The following SCN11A variants were observed in gnomAD, a reference collection of about 807,000 sequenced individuals.
SCN11A encodes sodium channel protein type 11 subunit alpha.
A neutral mutation model predicts 162.2 loss-of-function variants in SCN11A; 122 were observed. The observed-to-expected ratio is 0.75, with a 90% CI of 0.65 to 0.87. The LOEUF is 0.87. Among genes scored for constraint, SCN11A ranks in the 40% least tolerant of loss-of-function variants. SCN11A has a pLI of 0.00. For synonymous variants in SCN11A, 758 were observed against 751.5 expected, an observed-to-expected ratio of 1.01 and a Z score of -0.14; for missense variants, 2,015 against 2,181.6, an observed-to-expected ratio of 0.92 and a Z score of 1.52.
Position 38,862,949 on chromosome 3 carries a change from C to T in SCN11A, c.4056+246G>A, listed in dbSNP as rs957906817. Among the ~76,000 whole-genome samples the T allele has an allele frequency of 2.8e-4, 43 of 152,180 alleles. No individual in the cohort carries two copies. The East Asian group carries it at 8.1e-3, about 29-fold the overall frequency. ...AAACAAACCACTAAGTTCACATGGT[C>T]GCAATAAGTATTTACTTAAGCACAT... On this transcript the variant is annotated intron_variant, in intron 28 of 29. Transcript: ENST00000302328.
At chr3:39,001,864 C>A (rs2030824554) in intron 2 of SCN11A, among the ~76,000 whole-genome samples, 1 of 152,072 alleles carries the variant, frequency 6.6e-6, no homozygotes, top group Admixed American at 6.6e-5. Flanking sequence ...GAAACCCCGT[C>A]TCTACTAAAA....
At chr3:38,870,557 T>C in intron 26 of SCN11A, 134 bp downstream of exon 26, 1 of 669,600 alleles carries the variant, frequency 1.5e-6, no homozygotes, top group African/African-American at 1.8e-5. Context: ...TATCTCATAG[T>C]GTTTTGTTCC....
At chr3:38,974,890 T>C (rs1161953236) in intron 2 of SCN11A, among the ~76,000 whole-genome samples, 1 of 151,030 alleles carries the variant, frequency 6.6e-6, no homozygotes. Flanking sequence ...CAAAGTGAAA[T>C]AATTTTTAAA....
At chr3:38,889,141 G>A (rs2065451532) in intron 19 of SCN11A, among the ~76,000 whole-genome samples, 2 of 152,032 alleles carry the variant, frequency 1.3e-5, no homozygotes, top group South Asian at 4.1e-4. Flanking sequence ...ATTACCTATT[G>A]CAGGCCAGGC....
intron 4 of SCN11A, among the ~76,000 whole-genome samples, chr3:38,951,095 C>T (rs1237131686): frequency 6.6e-6 from 1 of 152,242 alleles, no homozygotes; most frequent in Non-Finnish European, 1.5e-5. Context: ...GTGGAAGCCC[C>T]TTTCTGGGCT....
chr3:38,896,770 T>C (rs768196906), intron 18 of SCN11A, 75 bp downstream of exon 18: 77 of 1,198,608 alleles, frequency 6.4e-5, no homozygotes, highest in Non-Finnish European at 8.4e-5. Context: ...TAGTAAAGTT[T>C]TGCAAATGAA....
intron 2 of SCN11A, among the ~76,000 whole-genome samples, chr3:38,967,403 C>T (rs149622844): frequency 4.2e-4 from 64 of 152,308 alleles, no homozygotes; most frequent in African/African-American, 1.3e-3. Context: ...ATGAGCCCTA[C>T]GGAGATTCCA....
At chr3:38,944,241 G>A (rs1233452083) in intron 7 of SCN11A, among the ~76,000 whole-genome samples, 2 of 152,290 alleles carry the variant, frequency 1.3e-5, no homozygotes, top group Non-Finnish European at 2.9e-5. Flanking sequence ...CACTGCTGAT[G>A]GCAGAGCAAA....
intron 2 of SCN11A, among the ~76,000 whole-genome samples, chr3:38,978,637 C>A (rs1393766753): frequency 8.4e-6 from 1 of 119,646 alleles, no homozygotes; most frequent in Non-Finnish European, 1.6e-5. Flanking sequence ...CAGAGTGAGA[C>A]CCTGTCTCAA....
chr3:38,936,456 T>C (rs1177759685), intron 7 of SCN11A, among the ~76,000 whole-genome samples: 1 of 151,132 alleles, frequency 6.6e-6, no homozygotes, highest in Non-Finnish European at 1.5e-5. Flanking sequence ...GACATGATTG[T>C]ATATCTAGAA....
chr3:38,869,839 T>A (rs896793704), intron 26 of SCN11A, among the ~76,000 whole-genome samples: 2 of 152,204 alleles, frequency 1.3e-5, no homozygotes, highest in African/African-American at 2.4e-5. Flanking sequence ...TGCTCAACTG[T>A]AAGTATTATG....
rs192481962 is a variant in SCN11A at position 38,860,478 on chromosome 3, T to C, written c.4056+2717A>G. The stretch of plus-strand genomic sequence containing the variant: ...GACCAATATTCCTGATGACTATAGG[T>C]GCAAAAATACTCAAAAAATACTAGC... On this transcript the variant is annotated intron_variant, in intron 28 of 29. Coordinates refer to ENST00000302328, the MANE Select transcript of SCN11A (RefSeq NM_001349253.2). Among the ~76,000 whole-genome samples the C allele has an allele frequency of 1.2e-4, 18 of 152,138 alleles. No individual in the cohort carries two copies. In the East Asian group the frequency reaches 3.3e-3, roughly 28 times the overall value.
chr3:38,950,273 C>T lies in SCN11A; in HGVS notation c.90G>A (p.Arg30=). ...TCTTTTTCTCCTTTTGGATGGCAAT[C>T]CGCTTCTCAATTGCAGCCAGAGAGT... is the stretch of plus-strand genomic sequence containing the variant. The part of the protein sequence containing the change: ...TSDSLAAIEK[R]IAIQKEKKKS... Residue 30 remains arginine, a synonymous_variant, in exon 5 of 30, where the codon CGG becomes CGA. Coordinates refer to ENST00000302328, the MANE Select transcript of SCN11A (RefSeq NM_001349253.2). 3 of 1,614,046 alleles carry T rather than the reference C, an allele frequency of 1.9e-6. No individual in the cohort carries two copies. The highest frequency in any genetic ancestry group is 2.2e-5 in the South Asian group (2 of 91,068).
chr3:38,956,666 T>A (rs543419625), intron 3 of SCN11A, among the ~76,000 whole-genome samples: 9 of 152,288 alleles, frequency 5.9e-5, no homozygotes, highest in African/African-American at 1.9e-4. Context: ...AGCTACAAAA[T>A]TATGATATAA....
intron 1 of SCN11A, among the ~76,000 whole-genome samples, chr3:39,042,036 A>T (rs1275023672): frequency 1.3e-5 from 2 of 152,210 alleles, no homozygotes; most frequent in African/African-American, 4.8e-5. Flanking sequence ...TGGGAGGCTG[A>T]GGCAGGAGGA....
chr3:38,997,995 A>G (rs1432488270), intron 2 of SCN11A, among the ~76,000 whole-genome samples: 1 of 152,248 alleles, frequency 6.6e-6, no homozygotes, highest in African/African-American at 2.4e-5. Context: ...TTAAATATCT[A>G]TAACTTAAGG....
At chr3:38,932,574 G>A (rs1218323230) in intron 7 of SCN11A, among the ~76,000 whole-genome samples, 11 of 152,300 alleles carry the variant, frequency 7.2e-5, no homozygotes, top group South Asian at 2.1e-4. Context: ...ATTATATCCC[G>A]CACCTGGCTC....
chr3:39,042,560 GA>G (rs1184252503), intron 1 of SCN11A, among the ~76,000 whole-genome samples: 2 of 152,094 alleles, frequency 1.3e-5, no homozygotes, highest in Non-Finnish European at 2.9e-5. Context: ...CAGAATGGGA[GA>G]AAATATTAGC....
intron 7 of SCN11A, among the ~76,000 whole-genome samples, chr3:38,930,444 C>T (rs1413111021): frequency 6.6e-6 from 1 of 152,150 alleles, no homozygotes; most frequent in African/African-American, 2.4e-5. Context: ...TTAAAAATGT[C>T]CTCATATAAA....
Sources: gnomAD v4.1 joint callset for allele counts (sites outside exome capture counted in the v4.1 genomes callset) on GRCh38, gnomAD v4.1.1 for gene constraint, MANE v1.5 for transcripts, NCBI Gene and HGNC (gene_info 2026-07-23, HGNC 2026-07-21) for gene names.